The following AFAP1 variants were observed in gnomAD, a reference collection of about 807,000 sequenced individuals.
AFAP1 encodes actin filament-associated protein 1.
AFAP1 carries 75 observed loss-of-function variants against 93.9 expected under a neutral mutation model. The ratio of observed to expected loss-of-function variants is 0.80; its 90% CI spans 0.66 to 0.97. AFAP1 has a LOEUF of 0.97. Among genes scored for constraint, AFAP1 ranks in the 50% least tolerant of loss-of-function variants. The pLI, the probability that AFAP1 is intolerant of heterozygous loss-of-function variation, is 0.00. For synonymous variants in AFAP1, 517 were observed against 430.7 expected (o/e 1.20, Z -2.48); for missense variants, 1,201 against 1,050.8 (o/e 1.14, Z -1.98).
intron 17 of AFAP1, among the ~76,000 whole-genome samples, chr4:7,764,026 C>T (rs1714191399): frequency 1.3e-5 from 2 of 152,208 alleles, no homozygotes. Flanking sequence ...TGACTCACAC[C>T]AGCCAGGAGG....
At chr4:7,875,719 A>G (rs1254805540) in intron 1 of AFAP1, among the ~76,000 whole-genome samples, 1 of 152,232 alleles carries the variant, frequency 6.6e-6, no homozygotes, top group East Asian at 1.9e-4. Context: ...GATAAATGAA[A>G]TGTGGTATAT....
At chr4:7,790,613 AG>A (rs1343598079) in intron 11 of AFAP1, among the ~76,000 whole-genome samples, 3 of 152,002 alleles carry the variant, frequency 2.0e-5, no homozygotes, top group Non-Finnish European at 4.4e-5. Context: ...TATGTCTGCT[AG>A]TTGGGCAGAT....
chr4:7,812,403 T>C (rs1720128301), intron 8 of AFAP1, among the ~76,000 whole-genome samples: 1 of 152,042 alleles, frequency 6.6e-6, no homozygotes, highest in African/African-American at 2.4e-5. Context: ...AATGAGATCA[T>C]AATTAAAACT....
At chr4:7,843,507 TA>T (rs1560193955) in intron 4 of AFAP1, among the ~76,000 whole-genome samples, 157 bp from the exon 5 acceptor site, 1 of 151,670 alleles carries the variant, frequency 6.6e-6, no homozygotes, top group Non-Finnish European at 1.5e-5. Context: ...AAAACAAAAA[TA>T]AAAAAACAAT....
At position 7,768,871 on chromosome 4, in the gene AFAP1, G is replaced by C. The variant is rs1180322826; in HGVS notation, c.2391C>G (p.Cys797Trp). ...KSQAAPGSSPCRGHVLRKAKE... is the reference protein window; with the variant it reads ...KSQAAPGSSPWRGHVLRKAKE... ...TGGCCTTCCGCAGCACATGCCCTCG[G>C]CAGGGGGAGCTGCCCGGGGCAGCCT... Residue 797 changes from cysteine to tryptophan, a missense_variant, in exon 17 of 18, where the codon TGC (cysteine) becomes TGG (tryptophan). Physicochemically the swap from Cys to Trp is radical, Grantham distance 215. Transcript: ENST00000420658. 1 of 1,607,226 alleles carries C rather than the reference G, an allele frequency of 6.2e-7. No homozygotes were observed. Among genetic ancestry groups the C allele is most frequent in the African/African-American group, 1.3e-5 (1 of 74,898 alleles).
At chr4:7,801,647 AAGGAAGTACC>A (rs1719041600) in intron 9 of AFAP1, among the ~76,000 whole-genome samples, 1 of 152,148 alleles carries the variant, frequency 6.6e-6, no homozygotes, top group African/African-American at 2.4e-5. Flanking sequence ...AGTGGCAGAA[AAGGAAGTACC>A]AGATTCCTAA....
At chr4:7,843,108 C>T (rs1035052916) in intron 5 of AFAP1, 31 bp downstream of exon 5, 5 of 1,607,538 alleles carry the variant, frequency 3.1e-6, no homozygotes, top group Non-Finnish European at 4.3e-6. Flanking sequence ...AGCAATCTTA[C>T]AAAAAATGCA....
chr4:7,773,856 A>T (rs891829517), intron 15 of AFAP1: 4 of 152,356 alleles, frequency 2.6e-5, no homozygotes, highest in Non-Finnish European at 4.4e-5. Flanking sequence ...CCTTCATCAG[A>T]TCATTGAGGC....
At chr4:7,851,740 C>T (rs1464776736) in intron 4 of AFAP1, among the ~76,000 whole-genome samples, 1 of 152,206 alleles carries the variant, frequency 6.6e-6, no homozygotes, top group East Asian at 1.9e-4. Flanking sequence ...ACCCTACCTG[C>T]CAACAGCAGA....
intron 6 of AFAP1, among the ~76,000 whole-genome samples, chr4:7,829,860 T>C (rs1333895287): frequency 6.6e-6 from 1 of 152,224 alleles, no homozygotes; most frequent in Non-Finnish European, 1.5e-5. Flanking sequence ...AAGTGATTAC[T>C]CTTTCTGAGA....
chr4:7,783,816 T>C (rs778014074), intron 12 of AFAP1, among the ~76,000 whole-genome samples: 10 of 152,196 alleles, frequency 6.6e-5, no homozygotes, highest in Non-Finnish European at 1.2e-4. Context: ...GGTTCGTGTG[T>C]AAGGCGTGCA....
chr4:7,928,137 G>A (rs538148124), intron 1 of AFAP1, among the ~76,000 whole-genome samples: 2 of 152,092 alleles, frequency 1.3e-5, no homozygotes, highest in East Asian at 1.9e-4. Context: ...TAATAGCAAT[G>A]CATTCTTCAA....
chr4:7,781,197 C>G (rs1322813923), intron 13 of AFAP1, among the ~76,000 whole-genome samples, 179 bp downstream of exon 13: 1 of 151,906 alleles, frequency 6.6e-6, no homozygotes, highest in South Asian at 2.1e-4. Flanking sequence ...ACCATGAGCT[C>G]GTTAGAAATA....
At chr4:7,795,185 T>C (rs183700823) in intron 10 of AFAP1, among the ~76,000 whole-genome samples, 7 of 152,248 alleles carry the variant, frequency 4.6e-5, no homozygotes, top group East Asian at 1.9e-4. Flanking sequence ...TGTTGAGAAA[T>C]TGGCTAGTGA....
intron 17 of AFAP1, among the ~76,000 whole-genome samples, chr4:7,768,593 G>T (rs1292159837): frequency 6.6e-6 from 1 of 152,200 alleles, no homozygotes; most frequent in African/African-American, 2.4e-5. Context: ...TGACTCTGGA[G>T]CCAATTGTTG....
At chr4:7,804,743 T>C (rs1003036127) in intron 9 of AFAP1, among the ~76,000 whole-genome samples, 11 of 152,214 alleles carry the variant, frequency 7.2e-5, no homozygotes, top group African/African-American at 2.7e-4. Flanking sequence ...CTACTGTGCT[T>C]TGGTTACATG....
intron 4 of AFAP1, among the ~76,000 whole-genome samples, chr4:7,845,450 G>C (rs1295029031): frequency 2.0e-5 from 3 of 151,956 alleles, no homozygotes; most frequent in African/African-American, 7.3e-5. Context: ...GTCCAGGAAG[G>C]ATTTTAGGCA....
chr4:7,829,789 C>A (rs1234565505), intron 6 of AFAP1, among the ~76,000 whole-genome samples: 1 of 152,142 alleles, frequency 6.6e-6, no homozygotes, highest in Non-Finnish European at 1.5e-5. Flanking sequence ...TGGTAAACCT[C>A]CTAGGAGAGT....
At chr4:7,808,744 C>T (rs1243668270) in intron 9 of AFAP1, among the ~76,000 whole-genome samples, 2 of 152,170 alleles carry the variant, frequency 1.3e-5, no homozygotes, top group Non-Finnish European at 2.9e-5. Context: ...AAATGGCTTG[C>T]TGCCTTCCCT....
Sources: allele counts gnomAD v4.1 joint callset (sites outside exome capture counted in the v4.1 genomes callset), GRCh38; gene constraint gnomAD v4.1.1; transcripts MANE v1.5; gene names NCBI Gene and HGNC (gene_info 2026-07-23, HGNC 2026-07-21).